TMEM132D: variants seen among roughly 807,000 people sequenced by gnomAD.
TMEM132D encodes transmembrane protein 132D.
A neutral mutation model predicts 62.3 loss-of-function variants in TMEM132D; 21 were observed. The observed-to-expected ratio is 0.34, with a 90% CI of 0.24 to 0.49. The LOEUF (loss-of-function observed/expected upper bound fraction) is 0.49. TMEM132D is among the 20% of genes least tolerant of loss of function. The pLI is 0.99. For synonymous variants in TMEM132D, 621 were observed against 575.6 expected (o/e 1.08, Z -1.13); for missense variants, 1,346 against 1,402.8 (o/e 0.96, Z 0.65).
chr12:129,312,514 T>G (rs1881999700), intron 4 of TMEM132D, among the ~76,000 whole-genome samples: 1 of 152,218 alleles, frequency 6.6e-6, no homozygotes, highest in Admixed American at 6.5e-5. Flanking sequence ...TGAAAACATT[T>G]TTGTACACCT....
At chr12:129,620,369 TG>T (rs11312577) in intron 2 of TMEM132D, among the ~76,000 whole-genome samples, 5,303 of 152,242 alleles carry the variant, frequency 0.035, 118 homozygotes, top group Middle Eastern at 0.1. Flanking sequence ...GATGCTGAGG[TG>T]GGAGGATCCC....
intron 1 of TMEM132D, among the ~76,000 whole-genome samples, chr12:129,710,486 G>A (rs894998963): frequency 1.4e-4 from 22 of 151,984 alleles, no homozygotes; most frequent in Middle Eastern, 3.4e-3. Context: ...TAGTAGAGAC[G>A]GGGTTTTGCC....
intron 4 of TMEM132D, among the ~76,000 whole-genome samples, chr12:129,219,116 G>A (rs577398192): frequency 5.9e-5 from 9 of 152,266 alleles, no homozygotes; most frequent in Admixed American, 4.6e-4. Context: ...AGGTGATATG[G>A]TTTGGCTCTG....
At chr12:129,317,524 T>G (rs183318729) in intron 4 of TMEM132D, among the ~76,000 whole-genome samples, 2 of 152,230 alleles carry the variant, frequency 1.3e-5, no homozygotes, top group African/African-American at 4.8e-5. Context: ...GTTAATCCGA[T>G]AGGATTTCCT....
At chr12:129,668,738 T>G (rs1245250197) in intron 2 of TMEM132D, among the ~76,000 whole-genome samples, 1 of 152,250 alleles carries the variant, frequency 6.6e-6, no homozygotes, top group Non-Finnish European at 1.5e-5. Context: ...TATGGCAGTA[T>G]AGTTAATTGC....
intron 2 of TMEM132D, among the ~76,000 whole-genome samples, chr12:129,650,827 T>C (rs577786498): frequency 6.6e-6 from 1 of 152,340 alleles, no homozygotes; most frequent in South Asian, 2.1e-4. Flanking sequence ...TTATTCACCA[T>C]AGACCAGGTG....
chr12:129,265,642 C>T (rs1290524882), intron 4 of TMEM132D, among the ~76,000 whole-genome samples: 1 of 152,020 alleles, frequency 6.6e-6, no homozygotes, highest in Non-Finnish European at 1.5e-5. Context: ...TCATGTCTTT[C>T]AACTCCAGCT....
intron 4 of TMEM132D, among the ~76,000 whole-genome samples, chr12:129,292,439 C>G (rs1205078827): frequency 6.6e-6 from 1 of 152,222 alleles, no homozygotes; most frequent in Non-Finnish European, 1.5e-5. Flanking sequence ...CAAATCACAC[C>G]CATGAGCGCA....
At chr12:129,403,682 G>T (rs1871686982) in intron 3 of TMEM132D, among the ~76,000 whole-genome samples, 1 of 152,052 alleles carries the variant, frequency 6.6e-6, no homozygotes, top group South Asian at 2.1e-4. Context: ...GAGCAACAAG[G>T]CCCCTGCTAC....
In TMEM132D at chr12:129,861,992, AT is replaced by A. The variant is rs1873915382; in HGVS notation, c.79+41268del. ...ACAAGGGTCATATACCTACAATTGC[AT>A]CCACAACCAATCAGCAGCATCCCCT... is the stretch of plus-strand genomic sequence containing the variant. On this transcript the variant is annotated intron_variant, in intron 1 of 8. Transcript: ENST00000422113. 2.0e-5 allele frequency among the ~76,000 whole-genome samples: 3 copies of A among 152,054 alleles called. 1 individual carries two copies. The South Asian group carries it at 6.2e-4, about 32-fold the overall frequency.
intron 4 of TMEM132D, among the ~76,000 whole-genome samples, chr12:129,283,568 T>G (rs921530723): frequency 2.6e-5 from 4 of 152,220 alleles, no homozygotes; most frequent in Non-Finnish European, 5.9e-5. Context: ...ATATCTCTAC[T>G]GAATTTTTTT....
intron 2 of TMEM132D, among the ~76,000 whole-genome samples, chr12:129,656,427 C>A (rs928718871): frequency 1.2e-4 from 19 of 152,244 alleles, no homozygotes; most frequent in African/African-American, 4.3e-4. Flanking sequence ...CAGCTGAACT[C>A]AAGGGTTTGA....
intron 5 of TMEM132D, among the ~76,000 whole-genome samples, chr12:129,159,931 C>T (rs1312748930): frequency 1.3e-5 from 2 of 151,960 alleles, no homozygotes; most frequent in African/African-American, 4.8e-5. Context: ...TGTTTCTGTA[C>T]AACAGTTTCT....
intron 3 of TMEM132D, among the ~76,000 whole-genome samples, chr12:129,435,152 T>G (rs1432061735): frequency 6.6e-6 from 1 of 152,198 alleles, no homozygotes; most frequent in Non-Finnish European, 1.5e-5. Context: ...GATTTTATTC[T>G]TTTTTAATGG....
chr12:129,545,282 C>A (rs1452585441), intron 2 of TMEM132D, among the ~76,000 whole-genome samples: 1 of 152,126 alleles, frequency 6.6e-6, no homozygotes, highest in Non-Finnish European at 1.5e-5. Context: ...GCATTGGGGC[C>A]CTGGATTCAA....
intron 1 of TMEM132D, among the ~76,000 whole-genome samples, chr12:129,841,000 T>TGG (rs990560428): frequency 6.6e-6 from 1 of 152,202 alleles, no homozygotes; most frequent in Non-Finnish European, 1.5e-5. Context: ...GTTACAGAAC[T>TGG]GGGGGAGTCT....
chr12:129,807,817 T>C (rs145977113), intron 1 of TMEM132D, among the ~76,000 whole-genome samples: 19 of 152,308 alleles, frequency 1.2e-4, no homozygotes, highest in African/African-American at 4.1e-4. Flanking sequence ...CCAGCCACCC[T>C]CCATGATTCC....
intron 2 of TMEM132D, among the ~76,000 whole-genome samples, chr12:129,631,476 G>A (rs1879342698): frequency 6.6e-6 from 1 of 152,208 alleles, no homozygotes; most frequent in African/African-American, 2.4e-5. Context: ...CCTGACTCGA[G>A]AAGTTGCACA....
At chr12:129,836,061 C>G (rs574228440) in intron 1 of TMEM132D, among the ~76,000 whole-genome samples, 1 of 152,324 alleles carries the variant, frequency 6.6e-6, no homozygotes, top group Non-Finnish European at 1.5e-5. Context: ...CCCAGCACAT[C>G]CTAATACTCC....
Sources: gnomAD v4.1 joint callset for allele counts (sites outside exome capture counted in the v4.1 genomes callset) on GRCh38, gnomAD v4.1.1 for gene constraint, MANE v1.5 for transcripts, NCBI Gene and HGNC (gene_info 2026-07-23, HGNC 2026-07-21) for gene names.